The following PCCA variants were observed in gnomAD, a reference collection of about 807,000 sequenced individuals.
The protein encoded by PCCA is propionyl-CoA carboxylase subunit alpha, also known as propionyl-CoA carboxylase alpha chain, mitochondrial.
Under a neutral mutation model 101.3 loss-of-function variants are expected in PCCA, and 74 were observed. The observed-to-expected ratio is 0.73, with a 90% CI of 0.61 to 0.89. The LOEUF (loss-of-function observed/expected upper bound fraction) is 0.89, where lower values mean the gene tolerates loss of function less well. Among genes scored for constraint, PCCA ranks in the 40% least tolerant of loss-of-function variants. The pLI is 0.00. For synonymous variants in PCCA, 294 were observed against 313.6 expected (o/e 0.94, Z 0.66); for missense variants, 891 against 907.0 (o/e 0.98, Z 0.23).
intron 22 of PCCA, among the ~76,000 whole-genome samples, chr13:100,522,499 T>C (rs2087384660): frequency 1.3e-5 from 2 of 152,180 alleles, no homozygotes; most frequent in African/African-American, 4.8e-5. Context: ...TTACAGTTGC[T>C]AGAGAGTGGG....
chr13:100,312,374 T>A (rs747848601), intron 16 of PCCA, among the ~76,000 whole-genome samples: 3 of 152,178 alleles, frequency 2.0e-5, no homozygotes, highest in Non-Finnish European at 4.4e-5. Context: ...CTGTCGAGAG[T>A]ACCTCACTTT....
chr13:100,198,317 T>A (rs1454001598), intron 6 of PCCA: 1 of 152,234 alleles, frequency 6.6e-6, no homozygotes, highest in African/African-American at 2.4e-5. Flanking sequence ...AACATTCTTC[T>A]TCTTTGCAAC....
intron 19 of PCCA, among the ~76,000 whole-genome samples, chr13:100,397,335 A>G (rs2077096356): frequency 1.3e-5 from 2 of 152,088 alleles, no homozygotes; most frequent in Admixed American, 1.3e-4. Context: ...CATCTATAAA[A>G]TGTGGTTAGT....
chr13:100,519,046 T>G (rs902063107), intron 22 of PCCA, among the ~76,000 whole-genome samples: 1 of 152,240 alleles, frequency 6.6e-6, no homozygotes, highest in African/African-American at 2.4e-5. Context: ...ATTCGCTTTG[T>G]TAGCCTTTTG....
chr13:100,225,074 G>T (rs1408567606), intron 7 of PCCA, among the ~76,000 whole-genome samples: 1 of 152,216 alleles, frequency 6.6e-6, no homozygotes, highest in African/African-American at 2.4e-5. Flanking sequence ...TTGGTTTGTT[G>T]TGTGGAAAGT....
chr13:100,434,126 G>T (rs891466712), intron 20 of PCCA, among the ~76,000 whole-genome samples: 1 of 152,142 alleles, frequency 6.6e-6, no homozygotes, highest in Non-Finnish European at 1.5e-5. Context: ...ACGGTCTTAT[G>T]ACCTGCTACT....
intron 21 of PCCA, among the ~76,000 whole-genome samples, chr13:100,474,440 T>TTCTCTCTC (rs58811683): frequency 5.5e-4 from 79 of 144,394 alleles, no homozygotes; most frequent in African/African-American, 2.0e-3. Context: ...TATTTACTGT[T>TTCTCTCTC]TCTCTCTCTC....
intron 6 of PCCA, among the ~76,000 whole-genome samples, chr13:100,183,134 G>T (rs922995616): frequency 2.9e-4 from 44 of 152,258 alleles, no homozygotes; most frequent in African/African-American, 9.9e-4. Context: ...GTGTGTGTGC[G>T]TGTGGGTGCA....
intron 21 of PCCA, among the ~76,000 whole-genome samples, chr13:100,492,967 G>T (rs1424782599): frequency 6.6e-6 from 1 of 151,866 alleles, no homozygotes; most frequent in Non-Finnish European, 1.5e-5. Context: ...AAGTCTGGGT[G>T]ACCTGATTCT....
intron 4 of PCCA, among the ~76,000 whole-genome samples, chr13:100,134,825 A>G (rs2050959203): frequency 6.6e-6 from 1 of 152,122 alleles, no homozygotes; most frequent in African/African-American, 2.4e-5. Context: ...GGTGTGAGCC[A>G]CCATGCCTAG....
chr13:100,156,421 T>G (rs1482018889), intron 5 of PCCA, among the ~76,000 whole-genome samples: 1 of 152,228 alleles, frequency 6.6e-6, no homozygotes, highest in Non-Finnish European at 1.5e-5. Context: ...ATTATGATAC[T>G]GGTTCCTTTA....
At chr13:100,371,230 T>C (rs935446646) in intron 19 of PCCA, among the ~76,000 whole-genome samples, 4 of 152,154 alleles carry the variant, frequency 2.6e-5, no homozygotes, top group African/African-American at 9.7e-5. Context: ...ACCACAATAA[T>C]GGTAAAAAGG....
Position 100,262,708 on chromosome 13 carries a change from TCTTC to T in PCCA, c.717-16_717-13del. The stretch of plus-strand genomic sequence containing the variant: ...CCCCTCCCTCTCCCCCCCTCCTCCT[TCTTC>T]CTTCTTTTTTTCACAGGGATGGTTT... On this transcript the variant is annotated splice_polypyrimidine_tract_variant and intron_variant, in intron 9 of 23. Coordinates refer to ENST00000376285, the MANE Select transcript of PCCA (RefSeq NM_000282.4). The T allele has an allele frequency of 1.1e-6, 1 of 934,594 alleles. No homozygotes were observed. Among genetic ancestry groups the T allele is most frequent in the South Asian group, 1.3e-5 (1 of 77,926 alleles). 57.9% of individuals were successfully genotyped at this position (934,594 alleles called of 1,614,324 possible).
intron 23 of PCCA, 80 bp from the exon 24 acceptor site, chr13:100,530,018 A>G (rs1367664396): frequency 1.5e-5 from 16 of 1,101,808 alleles, no homozygotes; most frequent in Non-Finnish European, 1.8e-5. Context: ...ATTTTTAGAA[A>G]TGGATTAGGA....
At chr13:100,465,199 C>T (rs549802738) in intron 21 of PCCA, among the ~76,000 whole-genome samples, 3 of 152,220 alleles carry the variant, frequency 2.0e-5, no homozygotes, top group South Asian at 2.1e-4. Flanking sequence ...ATGTCGAAAT[C>T]GGCTTAAAAT....
At chr13:100,491,686 T>C (rs778007456) in intron 21 of PCCA, 82 of 1,304,020 alleles carry the variant, frequency 6.3e-5, no homozygotes, top group Non-Finnish European at 8.2e-5. Context: ...GTGAGAAGCT[T>C]GGCAGAAGGT....
intron 12 of PCCA, among the ~76,000 whole-genome samples, chr13:100,283,895 G>A (rs1483366591): frequency 1.3e-5 from 2 of 152,176 alleles, no homozygotes; most frequent in East Asian, 3.9e-4. Context: ...CTATGCCGAG[G>A]CAATCACTGG....
intron 21 of PCCA, among the ~76,000 whole-genome samples, chr13:100,460,091 G>T (rs558773016): frequency 1.3e-5 from 2 of 152,328 alleles, no homozygotes; most frequent in Admixed American, 6.5e-5. Context: ...GCAGATCCCA[G>T]AATTTTTCCA....
intron 22 of PCCA, among the ~76,000 whole-genome samples, chr13:100,526,328 C>T (rs1487688843): frequency 3.9e-5 from 6 of 152,330 alleles, no homozygotes; most frequent in South Asian, 4.1e-4. Context: ...GCGCGGGCAG[C>T]GCTTCCAGGC....
Sources: allele counts gnomAD v4.1 joint callset (sites outside exome capture counted in the v4.1 genomes callset), GRCh38; gene constraint gnomAD v4.1.1; transcripts MANE v1.5; gene names NCBI Gene and HGNC (gene_info 2026-07-23, HGNC 2026-07-21).